The following TTBK2 variants were observed in gnomAD, a reference collection of about 807,000 sequenced individuals.
TTBK2 encodes the protein tau tubulin kinase 2, also known as tau-tubulin kinase 2.
In TTBK2, 28 loss-of-function variants were observed where a neutral mutation model predicts 110.8. That is an observed-to-expected ratio of 0.25 (90% CI 0.19 to 0.35). The LOEUF (loss-of-function observed/expected upper bound fraction) is 0.35, where lower values mean the gene tolerates loss of function less well. Ranked by LOEUF, TTBK2 falls within the 10% of genes least tolerant of loss-of-function variation. TTBK2 has a pLI of 1.00. For synonymous variants in TTBK2, 532 were observed against 527.3 expected, an observed-to-expected ratio of 1.01 and a Z score of -0.12; for missense variants, 1,369 against 1,500.3, an observed-to-expected ratio of 0.91 and a Z score of 1.45.
intron 6 of TTBK2, among the ~76,000 whole-genome samples, chr15:42,825,605 C>T (rs552035728): frequency 7.2e-5 from 11 of 152,262 alleles, no homozygotes; most frequent in South Asian, 2.1e-4. Context: ...GTCCCAGCTA[C>T]TGGGGAGGCT....
chr15:42,743,117 A>G lies in TTBK2; in HGVS notation c.*2678T>C, dbSNP rs1459020211. 1.3e-5 allele frequency: 2 copies of G among 152,226 alleles called. No homozygotes were observed. The highest frequency in any genetic ancestry group is 2.4e-5 in the African/African-American group (1 of 41,454). 9.4% of individuals were successfully genotyped at this position (152,226 alleles called of 1,614,324 possible). Reference sequence around the variant, plus strand: ...CTATTGATACCACTTATATATAATTAGTCTGTTTTCTTTAGAAAGTATCAG... The same window carrying G: ...CTATTGATACCACTTATATATAATTGGTCTGTTTTCTTTAGAAAGTATCAG... On this transcript the variant is annotated 3_prime_UTR_variant, in exon 15 of 15. Transcript: ENST00000267890.
intron 11 of TTBK2, among the ~76,000 whole-genome samples, chr15:42,779,137 G>A (rs964288338): frequency 6.6e-5 from 10 of 152,164 alleles, no homozygotes; most frequent in Admixed American, 1.3e-4. Flanking sequence ...TGGGCGTGGC[G>A]GCTCACGCCT....
chr15:42,898,106 G>A (rs1895739217), intron 1 of TTBK2, among the ~76,000 whole-genome samples: 3 of 152,258 alleles, frequency 2.0e-5, no homozygotes, highest in South Asian at 2.1e-4. Flanking sequence ...CAGGGATGTC[G>A]AGGCTAACTG....
chr15:42,764,708 T>C (rs1234377862), intron 13 of TTBK2, among the ~76,000 whole-genome samples: 3 of 152,226 alleles, frequency 2.0e-5, no homozygotes, highest in African/African-American at 7.2e-5. Flanking sequence ...CAGCAGAAAC[T>C]TTTGCAAACT....
intron 3 of TTBK2, among the ~76,000 whole-genome samples, chr15:42,847,340 G>A (rs1893511501): frequency 6.6e-6 from 1 of 152,048 alleles, no homozygotes. Flanking sequence ...TCCTTTGCAG[G>A]TGATTTGCAA....
chr15:42,783,585 T>A lies in TTBK2; in HGVS notation c.1031A>T (p.Asp344Val). 1 of 1,614,094 alleles carries A rather than the reference T, an allele frequency of 6.2e-7. No individual in the cohort carries two copies. The highest frequency in any genetic ancestry group is 2.2e-5 in the East Asian group (1 of 44,874). Residue 344 changes from aspartate to valine, a missense_variant, in exon 11 of 15, where the codon GAT becomes GTT. This residue lies in a region of TTBK2 where 1,097 missense variants were observed against 1,114.7 expected (regional missense o/e 0.98). Coordinates refer to ENST00000267890, the MANE Select transcript of TTBK2 (RefSeq NM_173500.4). ...IPGDLLRENT[D>V]EVFPDEQLSD... Reference sequence around the variant, plus strand: ...AAGCTGTTCATCTGGAAATACCTCATCTGTATTTTCTCGAAGCAAGTCTCC... The same window carrying A: ...AAGCTGTTCATCTGGAAATACCTCAACTGTATTTTCTCGAAGCAAGTCTCC...
chr15:42,822,042 C>T (rs1278404394), intron 6 of TTBK2, among the ~76,000 whole-genome samples: 1 of 152,150 alleles, frequency 6.6e-6, no homozygotes, highest in Non-Finnish European at 1.5e-5. Flanking sequence ...TATTGACCAT[C>T]TCTTAACATG....
At chr15:42,904,096 C>A (rs1596043776) in intron 1 of TTBK2, among the ~76,000 whole-genome samples, 1 of 152,188 alleles carries the variant, frequency 6.6e-6, no homozygotes. Flanking sequence ...GTGATTGCTG[C>A]AGCATACCTT....
chr15:42,860,531 G>C lies in TTBK2; in HGVS notation c.217+12080C>G, dbSNP rs148762166. On this transcript the variant is annotated intron_variant, in intron 3 of 14. Coordinates refer to ENST00000267890, the MANE Select transcript of TTBK2 (RefSeq NM_173500.4). The stretch of plus-strand genomic sequence containing the variant: ...GGAAGTCAAGGGGGTTGGATCGCTT[G>C]AGCCCAGGAGCTCAAGACCAACTGA... 4.9e-3 allele frequency among the ~76,000 whole-genome samples: 739 copies of C among 151,926 alleles called. 4 individuals are homozygous for C. The highest frequency in any genetic ancestry group is 0.017 in the African/African-American group (697 of 41,442).
At chr15:42,797,309 A>C (rs970222374) in intron 9 of TTBK2, among the ~76,000 whole-genome samples, 2 of 152,196 alleles carry the variant, frequency 1.3e-5, no homozygotes, top group African/African-American at 4.8e-5. Flanking sequence ...TTATTTTCTT[A>C]CATCTGTCAC....
intron 10 of TTBK2, among the ~76,000 whole-genome samples, chr15:42,788,860 TG>T (rs1385188277): frequency 6.6e-6 from 1 of 152,208 alleles, no homozygotes; most frequent in Non-Finnish European, 1.5e-5. Flanking sequence ...TATTTATTGC[TG>T]TGACTGATGT....
At chr15:42,783,687 T>G in intron 10 of TTBK2, 52 bp from the exon 11 acceptor site, 1 of 1,263,988 alleles carries the variant, frequency 7.9e-7, no homozygotes, top group Non-Finnish European at 1.2e-6. Context: ...ACTATGAGAC[T>G]ATCTTACATC....
intron 3 of TTBK2, among the ~76,000 whole-genome samples, chr15:42,848,045 C>T (rs1893541858): frequency 6.6e-6 from 1 of 152,008 alleles, no homozygotes; most frequent in Admixed American, 6.6e-5. Flanking sequence ...AGATGCGGGT[C>T]TCACTAGGTG....
At chr15:42,811,529 C>G (rs1891719980) in intron 8 of TTBK2, among the ~76,000 whole-genome samples, 159 bp downstream of exon 8, 1 of 152,182 alleles carries the variant, frequency 6.6e-6, no homozygotes, top group South Asian at 2.1e-4. Flanking sequence ...AATTTGATCT[C>G]TAATGTCAGC....
chr15:42,797,421 G>A (rs1890992908), intron 9 of TTBK2, among the ~76,000 whole-genome samples: 2 of 152,228 alleles, frequency 1.3e-5, no homozygotes, highest in African/African-American at 4.8e-5. Flanking sequence ...GCAGGAGGCA[G>A]AAAGATGGAG....
intron 7 of TTBK2, among the ~76,000 whole-genome samples, 199 bp downstream of exon 7, chr15:42,816,833 C>T (rs1056902425): frequency 2.0e-5 from 3 of 151,882 alleles, no homozygotes; most frequent in Admixed American, 2.0e-4. Context: ...GCAGGAGAAT[C>T]ACTTGAACCC....
intron 6 of TTBK2, 64 bp from the exon 7 acceptor site, chr15:42,817,161 G>T: frequency 7.2e-7 from 1 of 1,382,666 alleles, no homozygotes; most frequent in South Asian, 1.2e-5. Flanking sequence ...CAGCACACTT[G>T]AACCATGAAG....
rs796405914 is a variant in TTBK2 at position 42,860,640 on chromosome 15, C to CTTT, written c.217+11968_217+11970dup. On this transcript the variant is annotated intron_variant, in intron 3 of 14. Coordinates refer to ENST00000267890, the MANE Select transcript of TTBK2 (RefSeq NM_173500.4). The stretch of plus-strand genomic sequence containing the variant: ...TTAAACCTTAGCTGGGGTATTCTTT[C>CTTT]TTTTTTTTTTTTTTTTTTTTTGAGA... Among the ~76,000 whole-genome samples, 787 of 102,060 alleles carry CTTT rather than the reference C, an allele frequency of 7.7e-3. 27 individuals carry two copies. Among genetic ancestry groups the CTTT allele is most frequent in the African/African-American group, 0.026 (662 of 25,434 alleles). The allele number at this position is 102,060 out of a possible 152,430, so 67.0% of individuals were successfully genotyped here.
At chr15:42,837,311 T>A (rs1386410839) in intron 4 of TTBK2, among the ~76,000 whole-genome samples, 1 of 142,240 alleles carries the variant, frequency 7.0e-6, no homozygotes, top group Admixed American at 7.4e-5. Flanking sequence ...TGAGCTGAGA[T>A]CACGCCACTG....
Sources: allele counts gnomAD v4.1 joint callset (sites outside exome capture counted in the v4.1 genomes callset), GRCh38; gene constraint gnomAD v4.1.1; regional missense constraint gnomAD v4.1.1; transcripts MANE v1.5; gene names NCBI Gene and HGNC (gene_info 2026-07-23, HGNC 2026-07-21).